GATAD2A: variants seen among roughly 807,000 people sequenced by gnomAD.
GATAD2A encodes the protein GATA zinc finger domain containing 2A, also known as transcriptional repressor p66-alpha.
A neutral mutation model predicts 68.5 loss-of-function variants in GATAD2A; 12 were observed. That is an observed-to-expected ratio of 0.18 (90% confidence interval 0.11 to 0.28). GATAD2A has a LOEUF of 0.28. Ranked by LOEUF, GATAD2A falls within the 10% of genes least tolerant of loss-of-function variation. The probability of loss-of-function intolerance (pLI) is 1.00; values close to 1 mark genes in which losing one functional copy is unlikely to be tolerated. For synonymous variants in GATAD2A, 410 were observed against 375.3 expected, an observed-to-expected ratio of 1.09 and a Z score of -1.07; for missense variants, 755 against 868.5, an observed-to-expected ratio of 0.87 and a Z score of 1.64.
chr19:19,396,830 TC>T (rs2049285061), intron 1 of GATAD2A, among the ~76,000 whole-genome samples: 1 of 151,886 alleles, frequency 6.6e-6, no homozygotes, highest in Admixed American at 6.6e-5. Flanking sequence ...TGCGTCAGCC[TC>T]CCGAGTAGCT....
intron 2 of GATAD2A, among the ~76,000 whole-genome samples, chr19:19,470,155 G>T (rs113070129): frequency 0.19 from 25,122 of 133,698 alleles, 2,536 homozygotes; most frequent in South Asian, 0.34. Context: ...TTTTTTTTTT[G>T]TTTTTTTTTT....
Position 19,496,105 on chromosome 19 carries a change from G to A in GATAD2A, c.810G>A (p.Leu270=), listed in dbSNP as rs952168626. The stretch of plus-strand genomic sequence containing the variant: ...GCACAGGGCCACCGCCCCTCCTCCT[G>A]GCCCCCCGGGCGTCGGTGCCCAGTG... ...HSSTGPPPLL[L]APRASVPSVQ... Residue 270 remains leucine (L), a synonymous_variant, in exon 7 of 12, where the codon CTG becomes CTA. Transcript: ENST00000683918. The A allele has an allele frequency of 1.2e-6, 2 of 1,613,686 alleles. No individual in the cohort carries two copies. The highest frequency in any genetic ancestry group is 1.7e-6 in the Non-Finnish European group (2 of 1,179,896).
intron 8 of GATAD2A, 149 bp from the exon 9 acceptor site, chr19:19,500,969 C>T (rs2060487047): frequency 1.4e-6 from 1 of 711,602 alleles, no homozygotes; most frequent in Non-Finnish European, 2.3e-6. Context: ...TTGGCCGGCC[C>T]CATGTCCACA....
chr19:19,484,849 T>C (rs2059327326), intron 2 of GATAD2A, among the ~76,000 whole-genome samples: 1 of 152,180 alleles, frequency 6.6e-6, no homozygotes, highest in African/African-American at 2.4e-5. Context: ...AGGATTTTTC[T>C]AGGAGTGTTT....
At chr19:19,469,174 G>A (rs1215064910) in intron 2 of GATAD2A, among the ~76,000 whole-genome samples, 1 of 152,182 alleles carries the variant, frequency 6.6e-6, no homozygotes, top group African/African-American at 2.4e-5. Context: ...GCTGACTCCT[G>A]TAATTCCAGC....
chr19:19,430,553 T>G (rs1042489530), intron 1 of GATAD2A, among the ~76,000 whole-genome samples: 1 of 152,168 alleles, frequency 6.6e-6, no homozygotes, highest in African/African-American at 2.4e-5. Context: ...GCAGAACTAG[T>G]TGAAAAATTC....
chr19:19,504,100 G>A (rs547849054), intron 11 of GATAD2A, among the ~76,000 whole-genome samples: 1 of 152,168 alleles, frequency 6.6e-6, no homozygotes, highest in Non-Finnish European at 1.5e-5. Flanking sequence ...TACTCAGCCA[G>A]GAGGCTGAGG....
chr19:19,463,559 G>A (rs2057633810), intron 1 of GATAD2A, among the ~76,000 whole-genome samples: 1 of 152,196 alleles, frequency 6.6e-6, no homozygotes, highest in Non-Finnish European at 1.5e-5. Context: ...CCGCACAGTT[G>A]GTGTGGGATA....
At chr19:19,496,276 C>T (rs2060142649) in intron 7 of GATAD2A, 57 bp downstream of exon 7, 1 of 1,491,504 alleles carries the variant, frequency 6.7e-7, no homozygotes, top group Non-Finnish European at 9.3e-7. Flanking sequence ...GTGACTGCTC[C>T]CCTTGGACCC....
intron 1 of GATAD2A, among the ~76,000 whole-genome samples, chr19:19,450,826 A>G (rs997301401): frequency 1.3e-5 from 2 of 150,756 alleles, no homozygotes; most frequent in Admixed American, 6.6e-5. Flanking sequence ...GCTGGAGTAC[A>G]GTGGCATGAT....
intron 11 of GATAD2A, among the ~76,000 whole-genome samples, 173 bp from the exon 12 acceptor site, chr19:19,505,171 C>T (rs1263181255): frequency 2.0e-5 from 3 of 146,360 alleles, no homozygotes; most frequent in African/African-American, 7.6e-5. Context: ...CTCTTCAGCT[C>T]TGGGGGGGCC....
intron 2 of GATAD2A, among the ~76,000 whole-genome samples, chr19:19,480,446 A>C (rs887951968): frequency 3.3e-5 from 5 of 152,156 alleles, no homozygotes; most frequent in African/African-American, 1.2e-4. Flanking sequence ...GTACTTTATC[A>C]CTGGTACCAG....
rs73002973 is a variant in GATAD2A at position 19,496,039 on chromosome 19, C to G, written c.757-13C>G. On this transcript the variant is annotated splice_polypyrimidine_tract_variant and intron_variant, in intron 6 of 11. Coordinates refer to ENST00000683918, the MANE Select transcript of GATAD2A (RefSeq NM_001384528.1). ...CAGTCAGATTTCTTGTTCTCCCCAC[C>G]CTACCCCAACAGCAAATCCACAGCA... 6.2e-7 allele frequency: 1 copy of G among 1,612,064 alleles called. No homozygotes were observed. Among genetic ancestry groups the G allele is most frequent in the Admixed American group, 1.7e-5 (1 of 59,980 alleles).
chr19:19,476,755 AG>A (rs2058702880), intron 2 of GATAD2A, among the ~76,000 whole-genome samples: 1 of 152,232 alleles, frequency 6.6e-6, no homozygotes, highest in African/African-American at 2.4e-5. Context: ...GGGAACCTGC[AG>A]GGGCATGTGT....
chr19:19,409,463 T>C (rs1471342882), intron 1 of GATAD2A, among the ~76,000 whole-genome samples: 1 of 152,170 alleles, frequency 6.6e-6, no homozygotes, highest in Admixed American at 6.6e-5. Flanking sequence ...TGTCATAGTT[T>C]GAGGCATACA....
intron 2 of GATAD2A, among the ~76,000 whole-genome samples, chr19:19,478,486 T>C (rs1165740026): frequency 1.3e-4 from 19 of 151,364 alleles, no homozygotes; most frequent in Admixed American, 1.2e-3. Context: ...CCCAGCTACT[T>C]GGGAATCTGA....
chr19:19,482,951 C>T (rs2059157788), intron 2 of GATAD2A, among the ~76,000 whole-genome samples: 1 of 152,096 alleles, frequency 6.6e-6, no homozygotes, highest in South Asian at 2.1e-4. Flanking sequence ...GTCTCTACTA[C>T]CCTCAGCCAA....
intron 1 of GATAD2A, among the ~76,000 whole-genome samples, chr19:19,450,285 C>A (rs1401800701): frequency 6.6e-6 from 1 of 152,178 alleles, no homozygotes; most frequent in Non-Finnish European, 1.5e-5. Context: ...CAGTGCTGGG[C>A]ACACCTGGGT....
At chr19:19,406,115 G>C (rs1214277839) in intron 1 of GATAD2A, 96 bp downstream of exon 1, 2 of 152,538 alleles carry the variant, frequency 1.3e-5, no homozygotes, top group Middle Eastern at 3.4e-3. Flanking sequence ...GCCTCGGGGG[G>C]CTCTGAAGGA....
Sources: gnomAD v4.1 joint callset for allele counts (sites outside exome capture counted in the v4.1 genomes callset) on GRCh38, gnomAD v4.1.1 for gene constraint, MANE v1.5 for transcripts, NCBI Gene and HGNC (gene_info 2026-07-23, HGNC 2026-07-21) for gene names.